RTL4: variants seen among roughly 807,000 people sequenced by gnomAD.
RTL4 encodes the protein retrotransposon Gag-like protein 4.
A neutral mutation model predicts 5.3 loss-of-function variants in RTL4; 4 were observed. The ratio of observed to expected loss-of-function variants is 0.75; its 90% confidence interval spans 0.37 to 1.72. The LOEUF is 1.72. RTL4 is among the 40% of genes most tolerant of loss of function. RTL4 has a pLI of 0.04. For synonymous variants in RTL4, 98 were observed against 87.3 expected, an observed-to-expected ratio of 1.12 and a Z score of -0.68; for missense variants, 260 against 227.1, an observed-to-expected ratio of 1.14 and a Z score of -0.93.
the RTL4 span, among the ~76,000 whole-genome samples, chrX:112,151,990 C>T: frequency 2.7e-5 from 3 of 111,576 alleles, no homozygotes; most frequent in Admixed American, 9.5e-5. Flanking sequence ...CATTTGGGAG[C>T]GGGGCAGTTC....
the RTL4 span, among the ~76,000 whole-genome samples, chrX:112,404,708 G>A: frequency 8.9e-6 from 1 of 112,900 alleles, no homozygotes; most frequent in African/African-American, 3.2e-5. Context: ...TGCAAAGGCA[G>A]AAAAAGTGCT....
At chrX:112,435,621 G>A in the RTL4 span, among the ~76,000 whole-genome samples, 1 of 111,852 alleles carries the variant, frequency 8.9e-6, no homozygotes, top group Non-Finnish European at 1.9e-5. Flanking sequence ...CAGTAGGAGA[G>A]ATGGAGGTAA....
chrX:112,138,576 G>C, the RTL4 span, among the ~76,000 whole-genome samples: 14 of 110,629 alleles, frequency 1.3e-4, no homozygotes, highest in African/African-American at 4.6e-4. Context: ...TCATACCTCA[G>C]TAAAGTGTTT....
chrX:112,257,343 G>T, the RTL4 span, among the ~76,000 whole-genome samples: 1 of 111,394 alleles, frequency 9.0e-6, no homozygotes, highest in Admixed American at 9.6e-5. Context: ...TATGTTGACA[G>T]ATTGCTATTC....
the RTL4 span, among the ~76,000 whole-genome samples, chrX:112,127,609 C>T: frequency 9.0e-6 from 1 of 111,240 alleles, no homozygotes; most frequent in African/African-American, 3.3e-5. Context: ...AAAAGGCATC[C>T]AAATTGGAAA....
the RTL4 span, among the ~76,000 whole-genome samples, chrX:112,368,618 C>T: frequency 9.1e-6 from 1 of 110,417 alleles, no homozygotes; most frequent in East Asian, 2.9e-4. Flanking sequence ...GCTAAACATC[C>T]GACGATGCAT....
chrX:112,329,921 T>C, the RTL4 span, among the ~76,000 whole-genome samples: 1 of 109,093 alleles, frequency 9.2e-6, no homozygotes, highest in Non-Finnish European at 1.9e-5. Context: ...CATGATTATC[T>C]CAATAGATGC....
the RTL4 span, among the ~76,000 whole-genome samples, chrX:112,263,057 G>A: frequency 5.7e-4 from 53 of 92,985 alleles, no homozygotes; most frequent in African/African-American, 2.0e-3. Context: ...CTGTTTTGGG[G>A]TTGGGGGGAG....
At chrX:112,412,029 T>C in the RTL4 span, among the ~76,000 whole-genome samples, 1 of 108,684 alleles carries the variant, frequency 9.2e-6, no homozygotes, top group Admixed American at 9.8e-5. Context: ...AATCAACATA[T>C]AAAAATCAGT....
At chrX:112,299,135 A>G in the RTL4 span, among the ~76,000 whole-genome samples, 6 of 111,306 alleles carry the variant, frequency 5.4e-5, no homozygotes, top group African/African-American at 2.0e-4. Context: ...CAACTGGGAC[A>G]TTGTGGCGTA....
the RTL4 span, among the ~76,000 whole-genome samples, chrX:112,206,223 T>C: frequency 5.4e-5 from 6 of 111,533 alleles, no homozygotes; most frequent in East Asian, 1.7e-3. Flanking sequence ...GATGTTTATT[T>C]GCAATGCTTT....
the RTL4 span, among the ~76,000 whole-genome samples, chrX:112,344,735 T>C: frequency 5.4e-5 from 6 of 112,075 alleles, no homozygotes; most frequent in African/African-American, 1.9e-4. Flanking sequence ...CATTTTTATA[T>C]GGTTTTTGAA....
At chrX:112,141,462 T>C in the RTL4 span, among the ~76,000 whole-genome samples, 1 of 111,869 alleles carries the variant, frequency 8.9e-6, no homozygotes, top group Non-Finnish European at 1.9e-5. Flanking sequence ...TGTTTCCTGA[T>C]CTCAGGGGAA....
the RTL4 span, among the ~76,000 whole-genome samples, chrX:112,186,556 C>T: frequency 2.6e-3 from 285 of 111,718 alleles, 1 homozygote; most frequent in African/African-American, 8.9e-3. Flanking sequence ...AGAAAGAAAA[C>T]GGGAAAAACT....
chrX:112,162,922 G>A, the RTL4 span, among the ~76,000 whole-genome samples: 11 of 111,698 alleles, frequency 9.8e-5, no homozygotes, highest in African/African-American at 3.6e-4. Flanking sequence ...TTTATTTAGC[G>A]GCATCTGAAA....
chrX:112,324,585 C>A, the RTL4 span, among the ~76,000 whole-genome samples: 4 of 110,910 alleles, frequency 3.6e-5, no homozygotes, highest in Non-Finnish European at 3.8e-5. Context: ...AAAATATAAG[C>A]CTTAATAGCT....
chrX:112,452,257 ATTTTTTT>A (rs760522980), upstream of RTL4, among the ~76,000 whole-genome samples: 1 of 65,437 alleles, frequency 1.5e-5, no homozygotes, highest in Admixed American at 2.1e-4. Flanking sequence ...CGCGCAGCTA[ATTTTTTT>A]TTTTTTTTTT....
At chrX:112,133,796 C>T in the RTL4 span, among the ~76,000 whole-genome samples, 1 of 112,097 alleles carries the variant, frequency 8.9e-6, no homozygotes, top group African/African-American at 3.2e-5. Flanking sequence ...TATCCCAGTG[C>T]CTGCTACATG....
At chrX:112,231,109 C>G in the RTL4 span, among the ~76,000 whole-genome samples, 1 of 110,869 alleles carries the variant, frequency 9.0e-6, no homozygotes, top group African/African-American at 3.3e-5. Context: ...AATAGGAACA[C>G]TTTTACACTG....
Sources: gnomAD v4.1 joint callset for allele counts (sites outside exome capture counted in the v4.1 genomes callset) on GRCh38, gnomAD v4.1.1 for gene constraint, MANE v1.5 for transcripts, NCBI Gene and HGNC (gene_info 2026-07-23, HGNC 2026-07-21) for gene names.